The following PCDHA2 variants were observed in gnomAD, a reference collection of about 807,000 sequenced individuals.
PCDHA2 encodes the protein protocadherin alpha 2.
A neutral mutation model predicts 66.0 loss-of-function variants in PCDHA2; 58 were observed. The ratio of observed to expected loss-of-function variants is 0.88; its 90% CI spans 0.71 to 1.09. The LOEUF is 1.09. Ranked by LOEUF, PCDHA2 falls within the 50% of genes least tolerant of loss-of-function variation. The pLI is 0.00. For missense variants in PCDHA2, 1,267 were observed against 1,242.3 expected (o/e 1.02, Z -0.30); for synonymous variants, 634 against 554.0 (o/e 1.14, Z -2.03).
In PCDHA2 at chr5:140,927,773, A is replaced by G. The variant is rs143568645; in HGVS notation, c.2389-51176A>G. ...GTGCACCCTAAAAGTGGGGAGGTGC[A>G]AGTAGCTGCTTCACTAGGTCCGCCT... is the stretch of plus-strand genomic sequence containing the variant. On this transcript the variant is annotated intron_variant, in intron 1 of 3. Coordinates refer to ENST00000526136, the MANE Select transcript of PCDHA2 (RefSeq NM_018905.3). 201 of 1,614,196 alleles carry G rather than the reference A, an allele frequency of 1.2e-4. 4 individuals carry two copies. In the Middle Eastern group the frequency reaches 2.1e-3, roughly 17 times the overall value.
Position 140,852,810 on chromosome 5 carries a change from C to T in PCDHA2, c.2388+55458C>T, listed in dbSNP as rs2150522687. On this transcript the variant is annotated intron_variant, in intron 1 of 3. Transcript: ENST00000526136. The stretch of plus-strand genomic sequence containing the variant: ...GATGCTACAGATGTCATTTGTCTCC[C>T]GCCCTAAGTCCTCCAGTCTCCTTAG... 3.4e-5 allele frequency: 33 copies of T among 973,688 alleles called. 1 individual carries two copies. The highest frequency in any genetic ancestry group is 1.4e-4 in the South Asian group (3 of 20,896). The allele number at this position is 973,688 out of a possible 1,614,324, so 60.3% of individuals were successfully genotyped here. A position where few individuals can be genotyped will look rare whatever the true frequency, so the allele number is the denominator to read the frequency against.
chr5:140,841,798 T>C (rs1554138538), intron 1 of PCDHA2: 2 of 1,613,930 alleles, frequency 1.2e-6, no homozygotes, highest in East Asian at 2.2e-5. Flanking sequence ...GCGCGTCCGA[T>C]GCAGATGTTG....
At position 140,963,092 on chromosome 5, in the gene PCDHA2, C is replaced by T. The variant is rs1202521389; in HGVS notation, c.2389-15857C>T. Among the ~76,000 whole-genome samples, 3 of 151,976 alleles carry T rather than the reference C, an allele frequency of 2.0e-5. No homozygotes were observed. The South Asian group carries it at 6.2e-4, about 32-fold the overall frequency. On this transcript the variant is annotated intron_variant, in intron 1 of 3. Transcript: ENST00000526136. Reference sequence around the variant, plus strand: ...GGAGACAGAAATATAAGACATGGCTCCTGCTTTCAGGTTGCTTATAATTAA... The same window carrying T: ...GGAGACAGAAATATAAGACATGGCTTCTGCTTTCAGGTTGCTTATAATTAA...
chr5:140,802,842 G>A (rs782279925), intron 1 of PCDHA2: 1 of 1,613,724 alleles, frequency 6.2e-7, no homozygotes, highest in Non-Finnish European at 8.5e-7. Flanking sequence ...GGGCAGCAAC[G>A]TGACGCTGCA....
At chr5:140,968,519 A>C (rs1030847582) in intron 1 of PCDHA2, 1 of 1,614,008 alleles carries the variant, frequency 6.2e-7, no homozygotes, top group African/African-American at 1.3e-5. Flanking sequence ...CCCTACCTCA[A>C]CCAACTCGTC....
intron 1 of PCDHA2, chr5:140,882,620 C>T: frequency 6.2e-7 from 1 of 1,614,220 alleles, no homozygotes; most frequent in Non-Finnish European, 8.5e-7. Flanking sequence ...GCAGGTTTTC[C>T]ATGTGGAGGT....
chr5:140,856,719 C>A, intron 1 of PCDHA2: 1 of 1,596,152 alleles, frequency 6.3e-7, no homozygotes, highest in Non-Finnish European at 8.6e-7. Flanking sequence ...TTTACCGGAT[C>A]TGTTTCTCTG....
intron 1 of PCDHA2, chr5:140,869,070 A>G (rs1554162449): frequency 6.4e-7 from 1 of 1,572,828 alleles, no homozygotes; most frequent in Non-Finnish European, 8.6e-7. Flanking sequence ...TGTAAGTGTA[A>G]AGAAGCTTAT....
chr5:140,801,420 C>A (rs528555541), intron 1 of PCDHA2: 1 of 1,613,826 alleles, frequency 6.2e-7, no homozygotes, highest in Non-Finnish European at 8.5e-7. Context: ...CGGGGACCTT[C>A]TGGAGGTAAA....
In PCDHA2 at chr5:140,858,410, T is replaced by C; in HGVS notation, c.2388+61058T>C. ...GGTAGATGTGGACGGGGAAGATCAG[T>C]CTATTGGAGGGGACCACTCTAGGAA... On this transcript the variant is annotated intron_variant, in intron 1 of 3. Transcript: ENST00000526136. 7.7e-6 allele frequency: 12 copies of C among 1,565,560 alleles called. 2 individuals are homozygous for C. The highest frequency in any genetic ancestry group is 1.0e-5 in the Non-Finnish European group (12 of 1,147,708).
chr5:140,932,493 T>C (rs148938081), intron 1 of PCDHA2, among the ~76,000 whole-genome samples: 1 of 151,888 alleles, frequency 6.6e-6, no homozygotes, highest in Non-Finnish European at 1.5e-5. Flanking sequence ...CTTTGCAATG[T>C]CATTTGTTAA....
chr5:140,861,928 T>G (rs1225434437), intron 1 of PCDHA2: 1 of 154,028 alleles, frequency 6.5e-6, no homozygotes, highest in Non-Finnish European at 1.4e-5. Flanking sequence ...ATGTAAATGA[T>G]GATGCCCAGT....
At chr5:140,808,136 G>A (rs868911123) in intron 1 of PCDHA2, 1 of 1,614,132 alleles carries the variant, frequency 6.2e-7, no homozygotes, top group East Asian at 2.2e-5. Flanking sequence ...CAAATCCTAT[G>A]AAATTATTGT....
At chr5:140,989,582 G>A (rs1554250917) in intron 3 of PCDHA2, among the ~76,000 whole-genome samples, 1 of 152,200 alleles carries the variant, frequency 6.6e-6, no homozygotes, top group Non-Finnish European at 1.5e-5. Flanking sequence ...CCTGTCCTCA[G>A]CCTCACTGAC....
chr5:140,841,354 C>T (rs1777172316), intron 1 of PCDHA2: 2 of 1,612,948 alleles, frequency 1.2e-6, no homozygotes, highest in Non-Finnish European at 1.7e-6. Context: ...AGCTGGGATC[C>T]TGGCGACTAC....
At chr5:140,850,974 GT>G in intron 1 of PCDHA2, 1 of 1,455,106 alleles carries the variant, frequency 6.9e-7, no homozygotes, top group Non-Finnish European at 9.2e-7. Flanking sequence ...CGTTCAAATA[GT>G]TTTATTCATT....
intron 1 of PCDHA2, among the ~76,000 whole-genome samples, chr5:140,895,392 C>T (rs983338513): frequency 6.6e-5 from 10 of 152,148 alleles, no homozygotes; most frequent in African/African-American, 2.4e-4. Context: ...CAATTCTCAA[C>T]ACCATCAAAA....
chr5:140,962,014 G>C (rs2095650512), intron 1 of PCDHA2, among the ~76,000 whole-genome samples: 1 of 151,888 alleles, frequency 6.6e-6, no homozygotes, highest in African/African-American at 2.4e-5. Flanking sequence ...TTCCCGAGTA[G>C]CTGGGACTAC....
chr5:140,879,659 C>T (rs782370828), intron 1 of PCDHA2, among the ~76,000 whole-genome samples: 4 of 152,142 alleles, frequency 2.6e-5, no homozygotes, highest in East Asian at 3.8e-4. Flanking sequence ...CTATAACAAA[C>T]GAACACAAAC....
Sources: gnomAD v4.1 joint callset for allele counts (sites outside exome capture counted in the v4.1 genomes callset) on GRCh38, gnomAD v4.1.1 for gene constraint, MANE v1.5 for transcripts, NCBI Gene and HGNC (gene_info 2026-07-23, HGNC 2026-07-21) for gene names.